PDE4D: variants seen among roughly 807,000 people sequenced by gnomAD.
The protein encoded by PDE4D is phosphodiesterase 4D, also known as 3',5'-cyclic-AMP phosphodiesterase 4D.
PDE4D carries 24 observed loss-of-function variants against 87.4 expected under a neutral mutation model. That is an observed-to-expected ratio of 0.27 (90% CI 0.20 to 0.39). The LOEUF is 0.39. Among genes scored for constraint, PDE4D ranks in the 10% least tolerant of loss-of-function variants. The pLI is 1.00. For synonymous variants in PDE4D, 384 were observed against 383.2 expected (o/e 1.00, Z -0.02); for missense variants, 714 against 1,041.0 (o/e 0.69, Z 4.32).
chr5:59,668,839 GGAA>G (rs1447585255), intron 1 of PDE4D, among the ~76,000 whole-genome samples: 1 of 59,146 alleles, frequency 1.7e-5, no homozygotes, highest in Non-Finnish European at 3.2e-5. Context: ...AAGAGGAAGA[GGAA>G]GAGGAAGAAG....
chr5:59,362,508 C>T (rs889682855), intron 1 of PDE4D, among the ~76,000 whole-genome samples: 12 of 136,088 alleles, frequency 8.8e-5, no homozygotes, highest in African/African-American at 3.0e-4. Context: ...TTTACAAGAT[C>T]TAAAAAAAAT....
intron 2 of PDE4D, among the ~76,000 whole-genome samples, chr5:59,199,800 T>C (rs2153491384): frequency 6.6e-6 from 1 of 152,076 alleles, no homozygotes; most frequent in African/African-American, 2.4e-5. Flanking sequence ...AAAACAAACA[T>C]ATAATGTAAC....
At chr5:60,145,407 G>C (rs961543443) in intron 2 of PDE4D, among the ~76,000 whole-genome samples, 2 of 152,146 alleles carry the variant, frequency 1.3e-5, no homozygotes, top group Admixed American at 6.5e-5. Flanking sequence ...ATGAGGAAGA[G>C]ATTTTAATTA....
At chr5:59,254,576 ACATTGGTCAGAGGAG>A in intron 1 of PDE4D, among the ~76,000 whole-genome samples, 1 of 152,204 alleles carries the variant, frequency 6.6e-6, no homozygotes, top group Non-Finnish European at 1.5e-5. Context: ...GGCCTGACCA[ACATTGGTCAGAGGAG>A]TCCAGGAAAA....
intron 1 of PDE4D, among the ~76,000 whole-genome samples, chr5:59,487,808 G>C (rs753577573): frequency 2.6e-5 from 4 of 152,140 alleles, no homozygotes; most frequent in Non-Finnish European, 5.9e-5. Context: ...AGGAGAAATA[G>C]CTCCCTTCTA....
chr5:59,026,341 GA>G (rs1580372655), intron 6 of PDE4D, among the ~76,000 whole-genome samples: 1 of 151,988 alleles, frequency 6.6e-6, no homozygotes, highest in African/African-American at 2.4e-5. Context: ...GAAAGAAAAA[GA>G]AAAAAACCTT....
intron 1 of PDE4D, among the ~76,000 whole-genome samples, chr5:60,220,183 A>C (rs1744329152): frequency 6.6e-6 from 1 of 152,130 alleles, no homozygotes; most frequent in Non-Finnish European, 1.5e-5. Context: ...GCCTGTCCAC[A>C]AGATCAGGTG....
chr5:59,442,104 G>A (rs1027294050), intron 1 of PDE4D, among the ~76,000 whole-genome samples: 6 of 152,196 alleles, frequency 3.9e-5, no homozygotes, highest in African/African-American at 1.4e-4. Context: ...CTAGTTTTGT[G>A]TAAAGTGGGA....
At position 59,077,824 on chromosome 5, in the gene PDE4D, C is replaced by T. The variant is rs60900708; in HGVS notation, c.809-38853G>A. Among the ~76,000 whole-genome samples the T allele has an allele frequency of 2.7e-3, 411 of 152,204 alleles. 3 individuals carry two copies. The East Asian group carries it at 0.044, about 16-fold the overall frequency. The stretch of plus-strand genomic sequence containing the variant: ...CCACTCCAAGACAGCAACCTTCCAG[C>T]TCTAGATAAAAAGAGCTAGTCTTTC... On this transcript the variant is annotated intron_variant, in intron 5 of 14. Transcript: ENST00000340635.
intron 5 of PDE4D, among the ~76,000 whole-genome samples, chr5:59,127,535 C>G (rs75263240): frequency 6.6e-6 from 1 of 151,888 alleles, no homozygotes; most frequent in Non-Finnish European, 1.5e-5. Flanking sequence ...TTTTAAAATA[C>G]AGGAAACGCA....
intron 2 of PDE4D, among the ~76,000 whole-genome samples, chr5:59,997,987 G>T (rs1019047020): frequency 6.6e-6 from 1 of 152,200 alleles, no homozygotes; most frequent in Non-Finnish European, 1.5e-5. Flanking sequence ...TTCCATGGGA[G>T]CTTTCCACAG....
In PDE4D at chr5:59,616,932, T is replaced by TATATATATATATATATAC. The variant is rs1829764993; in HGVS notation, c.455+276235_455+276236insGTATATATATATATATAT. Among the ~76,000 whole-genome samples, 3 of 129,278 alleles carry TATATATATATATATATAC rather than the reference T, an allele frequency of 2.3e-5. No homozygotes were observed. In the South Asian group the frequency reaches 7.5e-4, roughly 32 times the overall value. The allele number at this position is 129,278 out of a possible 152,430, so 84.8% of individuals were successfully genotyped here. A position where few individuals can be genotyped will look rare whatever the true frequency, so the allele number is the denominator to read the frequency against. ...CCTAATAATTACATATATATATATA[T>TATATATATATATATATAC]ATATATATATATATCTCCAAGATTT... On this transcript the variant is annotated intron_variant, in intron 1 of 14. Coordinates refer to ENST00000340635, the MANE Select transcript of PDE4D (RefSeq NM_001104631.2).
At chr5:60,048,048 C>T (rs1340266168) in intron 2 of PDE4D, among the ~76,000 whole-genome samples, 4 of 152,018 alleles carry the variant, frequency 2.6e-5, no homozygotes, top group Non-Finnish European at 4.4e-5. Context: ...TCTGGGTGCT[C>T]CTGTATTGGG....
At chr5:58,988,915 A>G (rs1747207112) in intron 10 of PDE4D, among the ~76,000 whole-genome samples, 1 of 152,226 alleles carries the variant, frequency 6.6e-6, no homozygotes, top group Admixed American at 6.5e-5. Flanking sequence ...GTCTAAGAAT[A>G]TTCTGAAAAT....
chr5:59,578,014 T>C (rs1823462932), intron 1 of PDE4D, among the ~76,000 whole-genome samples: 4 of 152,140 alleles, frequency 2.6e-5, no homozygotes, highest in Admixed American at 2.6e-4. Flanking sequence ...TCAAGTAAGC[T>C]TCATAGCGGT....
At chr5:60,267,937 T>G (rs1468927666) in intron 1 of PDE4D, among the ~76,000 whole-genome samples, 1 of 152,204 alleles carries the variant, frequency 6.6e-6, no homozygotes, top group Non-Finnish European at 1.5e-5. Flanking sequence ...AGTCAAAGGC[T>G]GGCTCTGGGG....
chr5:60,379,391 G>C (rs539193844), intron 1 of PDE4D, among the ~76,000 whole-genome samples: 1 of 152,200 alleles, frequency 6.6e-6, no homozygotes, highest in East Asian at 1.9e-4. Context: ...ACTTTCTCTG[G>C]TAAAAGAGGT....
intron 1 of PDE4D, among the ~76,000 whole-genome samples, chr5:59,650,729 C>G (rs1410525878): frequency 6.6e-6 from 1 of 152,062 alleles, no homozygotes; most frequent in Non-Finnish European, 1.5e-5. Flanking sequence ...GATAAAAGAT[C>G]ACTACTTAAT....
At position 59,678,422 on chromosome 5, in the gene PDE4D, T is replaced by C. The variant is rs533276967; in HGVS notation, c.455+214746A>G. The stretch of plus-strand genomic sequence containing the variant: ...TGACAAATTTCAATGCTAATATCTC[T>C]ATCATTAAAAAAAATATGGAAGTAC... On this transcript the variant is annotated intron_variant, in intron 1 of 14. Transcript: ENST00000340635. 3.9e-5 allele frequency among the ~76,000 whole-genome samples: 6 copies of C among 152,296 alleles called. No individual in the cohort carries two copies. In the East Asian group the frequency reaches 1.2e-3, roughly 29 times the overall value.
Sources: gnomAD v4.1 joint callset for allele counts (sites outside exome capture counted in the v4.1 genomes callset) on GRCh38, gnomAD v4.1.1 for gene constraint, MANE v1.5 for transcripts, NCBI Gene and HGNC (gene_info 2026-07-23, HGNC 2026-07-21) for gene names.